Variants in DNAH8 observed in about 807,000 individuals in gnomAD.
DNAH8 encodes axonemal beta dynein heavy chain 8.
DNAH8 carries 382 observed loss-of-function variants against 562.1 expected under a neutral mutation model. The observed-to-expected ratio is 0.68, with a 90% confidence interval of 0.63 to 0.74. DNAH8 has a LOEUF of 0.74. Ranked by LOEUF, DNAH8 falls within the 30% of genes least tolerant of loss-of-function variation. DNAH8 has a pLI of 0.00. For synonymous variants in DNAH8, 1,881 were observed against 1,919.4 expected (o/e 0.98, Z 0.52); for missense variants, 5,203 against 5,620.4 (o/e 0.93, Z 2.37).
intron 30 of DNAH8, among the ~76,000 whole-genome samples, chr6:38,828,647 G>A (rs1406587489): frequency 6.6e-6 from 1 of 152,080 alleles, no homozygotes; most frequent in East Asian, 1.9e-4. Context: ...ATGTTCACAC[G>A]ACAAAATCAC....
chr6:38,723,235 T>C (rs779319715), intron 2 of DNAH8, 36 bp downstream of exon 2: 2 of 1,583,420 alleles, frequency 1.3e-6, no homozygotes, highest in Non-Finnish European at 1.7e-6. Context: ...GTGTGCCACT[T>C]TTCCTTATCA....
intron 26 of DNAH8, 118 bp downstream of exon 26, chr6:38,815,775 A>C: frequency 1.0e-6 from 1 of 1,004,292 alleles, no homozygotes; most frequent in East Asian, 2.7e-5. Flanking sequence ...AGTATGTTTC[A>C]TCTTAAACAT....
chr6:38,976,155 C>T (rs1340221758), intron 85 of DNAH8, among the ~76,000 whole-genome samples: 2 of 152,228 alleles, frequency 1.3e-5, no homozygotes, highest in East Asian at 1.9e-4. Flanking sequence ...TAACACTTCA[C>T]TAAGAGTCAG....
intron 24 of DNAH8, 55 bp from the exon 25 acceptor site, chr6:38,813,999 C>CTT: frequency 7.9e-7 from 1 of 1,258,750 alleles, no homozygotes; most frequent in African/African-American, 1.5e-5. Context: ...GCATAATAAA[C>CTT]TAACAATGAA....
At chr6:38,868,881 A>G (rs898719545) in intron 48 of DNAH8, among the ~76,000 whole-genome samples, 2 of 152,092 alleles carry the variant, frequency 1.3e-5, no homozygotes. Flanking sequence ...CATGTCACCC[A>G]GGCTGGTCTC....
In DNAH8 at chr6:38,722,951, T is replaced by C. The variant is rs776744908; in HGVS notation, c.142T>C (p.Ser48Pro). The C allele has an allele frequency of 1.4e-4, 222 of 1,612,558 alleles. No individual in the cohort carries two copies. Among genetic ancestry groups the C allele is most frequent in the Middle Eastern group, 6.6e-4 (4 of 6,084 alleles). ...GGAGGCCCCGGCAGAAGATGGTTTCTCTCCTTCCGCAGAAGATGCTGTTTC... is the reference window on the plus strand; with the variant it reads ...GGAGGCCCCGGCAGAAGATGGTTTCCCTCCTTCCGCAGAAGATGCTGTTTC... The part of the protein sequence containing the change: ...TVEAPAEDGF[S>P]PSAEDAVSSV... The change falls in exon 2 of 93, where the codon TCT becomes CCT. Residue 48 changes from serine (S) to proline (P), a missense_variant. Ser to Pro is a moderately conservative substitution (Grantham distance 74). This residue lies in a region of DNAH8 where 556 missense variants were observed against 496.9 expected (regional missense o/e 1.12). Coordinates refer to ENST00000327475, the MANE Select transcript of DNAH8 (RefSeq NM_001206927.2).
At chr6:38,778,817 G>A (rs1768306996) in intron 14 of DNAH8, among the ~76,000 whole-genome samples, 2 of 152,176 alleles carry the variant, frequency 1.3e-5, no homozygotes, top group Non-Finnish European at 2.9e-5. Context: ...ATTTCTGAAA[G>A]TGAGATTATC....
At chr6:38,922,136 T>A (rs891221755) in intron 71 of DNAH8, among the ~76,000 whole-genome samples, 7 of 151,738 alleles carry the variant, frequency 4.6e-5, no homozygotes, top group Admixed American at 2.6e-4. Context: ...ACAGGGGATA[T>A]GATGGCTTAG....
In DNAH8 at chr6:38,786,788, C is replaced by G; in HGVS notation, c.2419C>G (p.Arg807Gly). 6.2e-7 allele frequency: 1 copy of G among 1,609,574 alleles called. No homozygotes were observed. Among genetic ancestry groups the G allele is most frequent in the Non-Finnish European group, 8.5e-7 (1 of 1,178,562 alleles). The change falls in exon 18 of 93, where the codon CGA becomes GGA. Residue 807 changes from arginine to glycine, a missense_variant. Coordinates refer to ENST00000327475, the MANE Select transcript of DNAH8 (RefSeq NM_001206927.2). Reference sequence around the variant, plus strand: ...AGCTTTACAAGCCACGCTTTTTGTGCGACATCCAGAAACAGGGAAGTTGCT... The same window carrying G: ...AGCTTTACAAGCCACGCTTTTTGTGGGACATCCAGAAACAGGGAAGTTGCT... ...HYALQATLFVRHPETGKLLVN... is the reference protein window; with the variant it reads ...HYALQATLFVGHPETGKLLVN...
intron 8 of DNAH8, among the ~76,000 whole-genome samples, chr6:38,749,206 G>A (rs1257979133): frequency 6.6e-6 from 1 of 152,142 alleles, no homozygotes; most frequent in Non-Finnish European, 1.5e-5. Context: ...AAGGGAGTGA[G>A]ATCATGTCCT....
intron 21 of DNAH8, among the ~76,000 whole-genome samples, chr6:38,795,956 G>A (rs144174848): frequency 2.0e-5 from 3 of 152,308 alleles, no homozygotes; most frequent in Non-Finnish European, 2.9e-5. Context: ...GACAGATTAT[G>A]CGAATTATTA....
intron 66 of DNAH8, among the ~76,000 whole-genome samples, chr6:38,913,562 T>A (rs965111173): frequency 6.6e-6 from 1 of 152,174 alleles, no homozygotes; most frequent in Non-Finnish European, 1.5e-5. Context: ...GTCAAATAAG[T>A]TTCTTGGCCA....
intron 1 of DNAH8, among the ~76,000 whole-genome samples, chr6:38,717,356 C>T (rs73416349): frequency 0.11 from 17,054 of 152,132 alleles, 1,553 homozygotes; most frequent in African/African-American, 0.25. Context: ...TAGGTTCTCA[C>T]TCTGTCACCC....
intron 87 of DNAH8, among the ~76,000 whole-genome samples, chr6:38,985,518 A>G (rs943807632): frequency 5.9e-5 from 9 of 152,196 alleles, no homozygotes; most frequent in African/African-American, 2.2e-4. Context: ...GAAGCTACAT[A>G]TGGAGAACTG....
chr6:38,781,076 G>T (rs549593279), intron 15 of DNAH8, among the ~76,000 whole-genome samples, 178 bp from the exon 16 acceptor site: 1 of 152,204 alleles, frequency 6.6e-6, no homozygotes, highest in South Asian at 2.1e-4. Context: ...TGTCGTATAT[G>T]GTCAACATCA....
intron 1 of DNAH8, among the ~76,000 whole-genome samples, chr6:38,719,319 T>TAAAC (rs1349664505): frequency 6.6e-6 from 1 of 152,156 alleles, no homozygotes; most frequent in African/African-American, 2.4e-5. Flanking sequence ...GGAGTATGAT[T>TAAAC]AAACCTGTCA....
intron 41 of DNAH8, among the ~76,000 whole-genome samples, chr6:38,855,289 A>G (rs948737362): frequency 6.6e-6 from 1 of 152,182 alleles, no homozygotes; most frequent in Non-Finnish European, 1.5e-5. Context: ...TGATGGGTTG[A>G]TAGGTGCAGC....
At chr6:38,950,495 A>G (rs1761814913) in intron 81 of DNAH8, among the ~76,000 whole-genome samples, 1 of 150,088 alleles carries the variant, frequency 6.7e-6, no homozygotes, top group Admixed American at 6.6e-5. Flanking sequence ...GCTGGAGTGC[A>G]GTGGCATGAT....
chr6:38,937,825 G>T, intron 77 of DNAH8, 149 bp from the exon 78 acceptor site: 2 of 907,558 alleles, frequency 2.2e-6, no homozygotes, highest in Non-Finnish European at 1.7e-6. Context: ...GCTTTTTGGT[G>T]TCTTAAGATT....
Sources: allele counts gnomAD v4.1 joint callset (sites outside exome capture counted in the v4.1 genomes callset), GRCh38; gene constraint gnomAD v4.1.1; regional missense constraint gnomAD v4.1.1; transcripts MANE v1.5; gene names NCBI Gene and HGNC (gene_info 2026-07-23, HGNC 2026-07-21).